Variants in PTK2B observed in about 807,000 individuals in gnomAD.
PTK2B encodes the protein protein tyrosine kinase 2 beta, also known as protein-tyrosine kinase 2-beta.
In PTK2B, 71 loss-of-function variants were observed where a neutral mutation model predicts 142.9. That is an observed-to-expected ratio of 0.50 (90% CI 0.41 to 0.61). The LOEUF (loss-of-function observed/expected upper bound fraction) is 0.61, where lower values mean the gene tolerates loss of function less well. Among genes scored for constraint, PTK2B ranks in the 20% least tolerant of loss-of-function variants. The pLI, the probability that PTK2B is intolerant of heterozygous loss-of-function variation, is 0.00. For synonymous variants in PTK2B, 519 were observed against 503.4 expected (o/e 1.03, Z -0.42); for missense variants, 1,105 against 1,320.4 (o/e 0.84, Z 2.53).
At chr8:27,439,508 A>G (rs1811020140) in intron 20 of PTK2B, 110 bp downstream of exon 20, 4 of 1,220,164 alleles carry the variant, frequency 3.3e-6, no homozygotes, top group Non-Finnish European at 4.7e-6. Context: ...CTCCGTTCCC[A>G]GGGTTCTATT....
intron 1 of PTK2B, among the ~76,000 whole-genome samples, chr8:27,327,076 T>C (rs530043314): frequency 2.9e-4 from 44 of 151,866 alleles, no homozygotes; most frequent in African/African-American, 9.4e-4. Flanking sequence ...TGACTAGAAA[T>C]TAGCACAAGA....
At chr8:27,361,764 C>T (rs1051375017) in intron 1 of PTK2B, among the ~76,000 whole-genome samples, 8 of 152,116 alleles carry the variant, frequency 5.3e-5, no homozygotes, top group Admixed American at 1.3e-4. Context: ...TTTTCTGGTG[C>T]TCTCAATGAA....
chr8:27,442,376 A>T (rs1811204181), intron 21 of PTK2B, among the ~76,000 whole-genome samples: 1 of 152,178 alleles, frequency 6.6e-6, no homozygotes, highest in Non-Finnish European at 1.5e-5. Context: ...TGGGTAAGAA[A>T]GGTGAGAGGC....
At chr8:27,422,064 G>A (rs1213956031) in intron 4 of PTK2B, among the ~76,000 whole-genome samples, 4 of 152,196 alleles carry the variant, frequency 2.6e-5, no homozygotes, top group Non-Finnish European at 5.9e-5. Context: ...TGAACTTCCT[G>A]CCTGTGGAGC....
At chr8:27,430,035 G>T in intron 5 of PTK2B, 58 bp from the exon 6 acceptor site, 1 of 1,514,018 alleles carries the variant, frequency 6.6e-7, no homozygotes, top group Non-Finnish European at 9.2e-7. Flanking sequence ...AGGTGCCCTG[G>T]GTCTGACTGC....
At chr8:27,450,661 G>A in intron 24 of PTK2B, 88 bp from the exon 25 acceptor site, 2 of 1,522,214 alleles carry the variant, frequency 1.3e-6, no homozygotes, top group South Asian at 1.2e-5. Context: ...GCTTGCAGCT[G>A]CCATGAGGTT....
chr8:27,372,978 A>G (rs1806451115), intron 1 of PTK2B, among the ~76,000 whole-genome samples: 1 of 152,068 alleles, frequency 6.6e-6, no homozygotes, highest in African/African-American at 2.4e-5. Context: ...AAAGACTAGA[A>G]GTGGCCACAT....
At position 27,454,269 on chromosome 8, in the gene PTK2B, A is replaced by G. The variant is rs761836663; in HGVS notation, c.2711A>G (p.Glu904Gly). The G allele has an allele frequency of 1.2e-6, 2 of 1,613,812 alleles. No homozygotes were observed. Among genetic ancestry groups the G allele is most frequent in the Admixed American group, 3.3e-5 (2 of 59,992 alleles). The change falls in exon 29 of 31, where the codon GAG (glutamate) becomes GGG (glycine). Residue 904 changes from glutamate (E) to glycine (G), a missense_variant. Transcript: ENST00000346049. ...LKNELCQLPP[E>G]GYVVVVKNVG... ...AATGAGCTCTGTCAGCTGCCCCCCG[A>G]GGGCTACGTGGTGGTGGTGAAGGTG...
intron 3 of PTK2B, among the ~76,000 whole-genome samples, chr8:27,317,399 A>G (rs1047510265): frequency 6.6e-6 from 1 of 152,210 alleles, no homozygotes; most frequent in South Asian, 2.1e-4. Context: ...GCAGTGACCT[A>G]GGCAATATTA....
intron 29 of PTK2B, 38 bp from the exon 30 acceptor site, chr8:27,454,493 C>G: frequency 6.2e-7 from 1 of 1,600,342 alleles, no homozygotes; most frequent in Non-Finnish European, 8.6e-7. Context: ...TCTCCAATAG[C>G]TAGGAGTGGC....
intron 1 of PTK2B, among the ~76,000 whole-genome samples, chr8:27,356,279 T>G (rs552696821): frequency 1.3e-5 from 2 of 152,318 alleles, no homozygotes; most frequent in East Asian, 1.9e-4. Context: ...CAACAAATGC[T>G]TACTGACCGT....
intron 1 of PTK2B, among the ~76,000 whole-genome samples, chr8:27,329,328 T>G (rs1803600577): frequency 6.6e-6 from 1 of 152,196 alleles, no homozygotes; most frequent in South Asian, 2.1e-4. Flanking sequence ...CGGCCATGTT[T>G]CATCGTGCAG....
intron 30 of PTK2B, among the ~76,000 whole-genome samples, chr8:27,458,050 A>G (rs962633243): frequency 6.6e-6 from 1 of 151,164 alleles, no homozygotes; most frequent in Non-Finnish European, 1.5e-5. Flanking sequence ...GTTTCCATGA[A>G]GGGACGGTCA....
At chr8:27,406,750 C>G (rs1156375677) in intron 2 of PTK2B, among the ~76,000 whole-genome samples, 1 of 152,142 alleles carries the variant, frequency 6.6e-6, no homozygotes, top group Non-Finnish European at 1.5e-5. Flanking sequence ...GCCAGTGGTA[C>G]CCTGTTGAGA....
chr8:27,345,781 A>AT (rs1428168383), intron 1 of PTK2B, among the ~76,000 whole-genome samples: 1 of 152,156 alleles, frequency 6.6e-6, no homozygotes, highest in Non-Finnish European at 1.5e-5. Flanking sequence ...TATAACATTA[A>AT]TGGGAAGGCG....
chr8:27,368,975 C>T (rs1451684839), intron 1 of PTK2B, among the ~76,000 whole-genome samples: 1 of 152,180 alleles, frequency 6.6e-6, no homozygotes, highest in South Asian at 2.1e-4. Context: ...TCACTCCAGC[C>T]CTTGTGAAGG....
intron 28 of PTK2B, 94 bp downstream of exon 28, chr8:27,453,254 G>A (rs1811933846): frequency 6.5e-7 from 1 of 1,535,490 alleles, no homozygotes; most frequent in Non-Finnish European, 9.0e-7. Context: ...TTCTCAGATA[G>A]AATCCAGTTC....
intron 3 of PTK2B, 102 bp from the exon 4 acceptor site, chr8:27,420,555 C>G (rs1809680683): frequency 8.8e-7 from 1 of 1,136,604 alleles, no homozygotes; most frequent in East Asian, 2.3e-5. Context: ...CAGCCCTTCC[C>G]TTTGCACTAG....
chr8:27,417,778 G>T (rs911678155), intron 2 of PTK2B, among the ~76,000 whole-genome samples: 1 of 152,084 alleles, frequency 6.6e-6, no homozygotes, highest in African/African-American at 2.4e-5. Flanking sequence ...CAGCACAGGA[G>T]TTCTAGCCCT....
Sources: allele counts gnomAD v4.1 joint callset (sites outside exome capture counted in the v4.1 genomes callset), GRCh38; gene constraint gnomAD v4.1.1; transcripts MANE v1.5; gene names NCBI Gene and HGNC (gene_info 2026-07-23, HGNC 2026-07-21).